Variants in OSBPL3 observed in about 807,000 individuals in gnomAD.
OSBPL3 encodes oxysterol-binding protein-related protein 3.
OSBPL3 carries 65 observed loss-of-function variants against 120.1 expected under a neutral mutation model. The observed-to-expected ratio is 0.54, with a 90% CI of 0.44 to 0.67. OSBPL3 has a LOEUF of 0.67. Among genes scored for constraint, OSBPL3 ranks in the 30% least tolerant of loss-of-function variants. The pLI, the probability that OSBPL3 is intolerant of heterozygous loss-of-function variation, is 0.00. For missense variants in OSBPL3, 1,004 were observed against 1,082.1 expected, an observed-to-expected ratio of 0.93 and a Z score of 1.01; for synonymous variants, 416 against 402.6, an observed-to-expected ratio of 1.03 and a Z score of -0.40.
upstream of OSBPL3, among the ~76,000 whole-genome samples, chr7:24,981,157 C>A (rs1202609479): frequency 6.6e-6 from 1 of 152,076 alleles, no homozygotes; most frequent in African/African-American, 2.4e-5. The surrounding 1 kb of genome is among the most constrained non-coding windows in gnomAD (Gnocchi z 7.3). Context: ...AAATACATAT[C>A]TATGCAAAAA....
At chr7:24,828,606 G>GAAAAAAAAAAAAAA (rs1190652256) in intron 16 of OSBPL3, among the ~76,000 whole-genome samples, 8 of 32,546 alleles carry the variant, frequency 2.5e-4, no homozygotes, top group Middle Eastern at 0.017. Context: ...GACTCTGTCT[G>GAAAAAAAAAAAAAA]AAAAAAAAAA....
intron 12 of OSBPL3, among the ~76,000 whole-genome samples, chr7:24,845,662 A>C (rs1339513913): frequency 2.6e-5 from 4 of 151,860 alleles, no homozygotes; most frequent in Admixed American, 1.3e-4. Flanking sequence ...TTCCTAAAAA[A>C]AAAAAAAAAA....
chr7:24,861,802 C>A, intron 9 of OSBPL3, 33 bp from the exon 10 acceptor site: 2 of 1,463,984 alleles, frequency 1.4e-6, no homozygotes, highest in South Asian at 1.3e-5. Flanking sequence ...TATTTCTTTT[C>A]AGATGCAGAT....
intron 1 of OSBPL3, among the ~76,000 whole-genome samples, chr7:24,957,627 C>T (rs1157169746): frequency 2.6e-5 from 4 of 152,118 alleles, no homozygotes; most frequent in African/African-American, 9.7e-5. Flanking sequence ...CTAATATCAA[C>T]CACTGAATTA....
At chr7:24,800,915 G>A (rs976989110) in intron 22 of OSBPL3, among the ~76,000 whole-genome samples, 1 of 151,356 alleles carries the variant, frequency 6.6e-6, no homozygotes, top group African/African-American at 2.4e-5. Context: ...CATCAACCAG[G>A]TTGTACATAG....
At chr7:24,832,599 G>T (rs899991196) in intron 15 of OSBPL3, among the ~76,000 whole-genome samples, 2 of 151,992 alleles carry the variant, frequency 1.3e-5, no homozygotes, top group South Asian at 2.1e-4. Flanking sequence ...TGAAACCTGG[G>T]TGTCTGTTCC....
chr7:24,866,829 T>C (rs1801384733), intron 5 of OSBPL3, among the ~76,000 whole-genome samples: 1 of 152,150 alleles, frequency 6.6e-6, no homozygotes, highest in Non-Finnish European at 1.5e-5. Flanking sequence ...TGAGACGGAG[T>C]CTTGCCTTGT....
At chr7:24,886,836 A>G (rs1311244193) in intron 2 of OSBPL3, among the ~76,000 whole-genome samples, 3 of 152,144 alleles carry the variant, frequency 2.0e-5, no homozygotes, top group Non-Finnish European at 1.5e-5. Context: ...GGGCTGTTCC[A>G]TTCCTCTGTT....
chr7:24,821,230 C>T lies in OSBPL3; in HGVS notation c.1885-992G>A, dbSNP rs1389211254. ...CACCTTATAAACGAAGAGACTGAAA[C>T]CAGAAAGATAAAGTAACATTTCCCA... is the stretch of plus-strand genomic sequence containing the variant. On this transcript the variant is annotated intron_variant, in intron 16 of 22. Transcript: ENST00000313367. The surrounding 1 kb of genome is among the most constrained non-coding windows in gnomAD (Gnocchi z 5.5). Among the ~76,000 whole-genome samples the T allele has an allele frequency of 6.6e-6, 1 of 152,166 alleles. No individual in the cohort carries two copies. Among genetic ancestry groups the T allele is most frequent in the African/African-American group, 2.4e-5 (1 of 41,414 alleles).
rs1812643433 is a variant in OSBPL3, at chr7:24,938,167, C to T, written c.-150+41719G>A. On this transcript the variant is annotated intron_variant, in intron 1 of 22. Transcript: ENST00000313367. The surrounding 1 kb of genome is among the most constrained non-coding windows in gnomAD (Gnocchi z 5.8). ...ACCTGATGGTATTAGGAGTTGGAGC[C>T]TTTGGGCGGTGATCAAGTCATGAGG... Among the ~76,000 whole-genome samples, 2 of 152,176 alleles carry T rather than the reference C, an allele frequency of 1.3e-5. No homozygotes were observed. The highest frequency in any genetic ancestry group is 6.5e-5 in the Admixed American group (1 of 15,290).
chr7:24,951,304 A>G lies in OSBPL3; in HGVS notation c.-150+28582T>C, dbSNP rs988288070. Among the ~76,000 whole-genome samples, 149 of 152,226 alleles carry G rather than the reference A, an allele frequency of 9.8e-4. 3 individuals carry two copies. The highest frequency in any genetic ancestry group is 9.7e-3 in the Admixed American group (148 of 15,294). ...TAAAAATAAAAATGCCTTTAAGTAAAAGCAACTCCTTGCTCAAGTAAAAAG... is the reference window on the plus strand; with the variant it reads ...TAAAAATAAAAATGCCTTTAAGTAAGAGCAACTCCTTGCTCAAGTAAAAAG... On this transcript the variant is annotated intron_variant, in intron 1 of 22. Coordinates refer to ENST00000313367, the MANE Select transcript of OSBPL3 (RefSeq NM_015550.4).
rs1176015936 is a variant in OSBPL3 at position 24,815,200 on chromosome 7, A to G, written c.2031T>C (p.Phe677=). The G allele has an allele frequency of 7.4e-6, 12 of 1,611,910 alleles. No individual in the cohort carries two copies. The highest frequency in any genetic ancestry group is 1.0e-5 in the Non-Finnish European group (12 of 1,179,426). The change falls in exon 19 of 23, where the codon TTT becomes TTC. Residue 677 remains phenylalanine, a synonymous_variant. Transcript: ENST00000313367. The surrounding 1 kb of genome is among the most constrained non-coding windows in gnomAD (Gnocchi z 5.1). ...CTTTGTTCCACTCAAAATGATCCCC[A>G]AAACTAAAAAGAAGGAAAAAGTAGA... ...IGTTHVTLPV[F]GDHFEWNKVT... is the part of the protein sequence containing the mutation.
At chr7:24,850,163 G>A (rs1798965281) in intron 11 of OSBPL3, among the ~76,000 whole-genome samples, 1 of 152,170 alleles carries the variant, frequency 6.6e-6, no homozygotes, top group Non-Finnish European at 1.5e-5. Context: ...GAGATGAAAA[G>A]CAAATCTGAG....
chr7:24,907,776 G>A (rs1211545996), intron 1 of OSBPL3, among the ~76,000 whole-genome samples: 1 of 152,176 alleles, frequency 6.6e-6, no homozygotes, highest in Non-Finnish European at 1.5e-5. Context: ...CTACCTGAAA[G>A]TATTAGTCAC....
intron 1 of OSBPL3, among the ~76,000 whole-genome samples, chr7:24,893,712 T>C (rs538627435): frequency 1.8e-5 from 2 of 113,086 alleles, no homozygotes; most frequent in South Asian, 3.1e-4. Context: ...CTCAAGAGGC[T>C]GAGGCAGGAG....
Position 24,952,318 on chromosome 7 carries a change from G to T in OSBPL3, c.-150+27568C>A, listed in dbSNP as rs970568116. Among the ~76,000 whole-genome samples, 2 of 152,120 alleles carry T rather than the reference G, an allele frequency of 1.3e-5. No individual in the cohort carries two copies. Among genetic ancestry groups the T allele is most frequent in the African/African-American group, 4.8e-5 (2 of 41,404 alleles). The stretch of plus-strand genomic sequence containing the variant: ...AAATAGTCCAACTTTTTATTTTAAG[G>T]ACAGAGAAACTGAGGCCCACAAGGC... On this transcript the variant is annotated intron_variant, in intron 1 of 22. Transcript: ENST00000313367. This position sits in a 1 kb window ranked among gnomAD's most constrained non-coding sequence, Gnocchi z 4.4.
At chr7:24,910,630 C>T (rs1429910345) in intron 1 of OSBPL3, among the ~76,000 whole-genome samples, 1 of 152,158 alleles carries the variant, frequency 6.6e-6, no homozygotes, top group East Asian at 1.9e-4. Context: ...AGGAGGAAAC[C>T]ACTGTGATCA....
At chr7:24,935,513 G>A (rs1027563868) in intron 1 of OSBPL3, among the ~76,000 whole-genome samples, 3 of 151,814 alleles carry the variant, frequency 2.0e-5, no homozygotes, top group African/African-American at 4.8e-5. Context: ...AAACTACAAG[G>A]GAACTTTTTA....
At position 24,820,081 on chromosome 7, in the gene OSBPL3, T is replaced by C. The variant is rs1794932860; in HGVS notation, c.1948+94A>G. On this transcript the variant is annotated intron_variant, in intron 17 of 22. Coordinates refer to ENST00000313367, the MANE Select transcript of OSBPL3 (RefSeq NM_015550.4). This position sits in a 1 kb window ranked among gnomAD's most constrained non-coding sequence, Gnocchi z 4.6. ...CCAGGCCCAAATCCAAGGACCACTT[T>C]TGATCTCAGTAAGAATTGACAGCAA... is the stretch of plus-strand genomic sequence containing the variant. The C allele has an allele frequency of 8.8e-6, 8 of 910,540 alleles. No individual in the cohort carries two copies. The highest frequency in any genetic ancestry group is 2.2e-4 in the Middle Eastern group (1 of 4,522). The allele number at this position is 910,540 out of a possible 1,614,324, so 56.4% of individuals were successfully genotyped here.
Sources: allele counts gnomAD v4.1 joint callset (sites outside exome capture counted in the v4.1 genomes callset), GRCh38; gene constraint gnomAD v4.1.1; non-coding constraint Gnocchi (gnomAD v3.1); transcripts MANE v1.5; gene names NCBI Gene and HGNC (gene_info 2026-07-23, HGNC 2026-07-21).